PTGS1: variants seen among roughly 807,000 people sequenced by gnomAD.
PTGS1 encodes the protein prostaglandin-endoperoxide synthase 1, also known as prostaglandin G/H synthase 1.
In PTGS1, 40 loss-of-function variants were observed where a neutral mutation model predicts 63.0. That is an observed-to-expected ratio of 0.63 (90% confidence interval 0.49 to 0.83). The LOEUF (loss-of-function observed/expected upper bound fraction) is 0.83. PTGS1 is among the 40% of genes least tolerant of loss of function. PTGS1 has a pLI of 0.00. For missense variants in PTGS1, 709 were observed against 786.5 expected (o/e 0.90, Z 1.18); for synonymous variants, 298 against 301.9 (o/e 0.99, Z 0.13).
intron 4 of PTGS1, 59 bp downstream of exon 4, chr9:122,378,632 G>A (rs1487906618): frequency 1.7e-5 from 27 of 1,611,876 alleles, no homozygotes; most frequent in Non-Finnish European, 2.1e-5. Context: ...TAGTCCTTTT[G>A]GATTCTTGGC....
intron 2 of PTGS1, chr9:122,375,207 G>A: frequency 2.7e-6 from 2 of 745,324 alleles, no homozygotes; most frequent in South Asian, 6.0e-5. Flanking sequence ...AACGTGGCGG[G>A]GGAGGCGGGA....
chr9:122,380,466 A>AAAATAAATAAATAAAT (rs59514121), intron 5 of PTGS1, among the ~76,000 whole-genome samples: 2 of 145,788 alleles, frequency 1.4e-5, no homozygotes, highest in African/African-American at 5.2e-5. Flanking sequence ...CCCTGTCTCA[A>AAAATAAATAAATAAAT]AAATAAATAA....
rs57350981 is a variant in PTGS1, at chr9:122,376,344, T to TTGTGTGTGTGTG, written c.95-1521_95-1510dup. Among the ~76,000 whole-genome samples, 120 of 127,062 alleles carry TTGTGTGTGTGTG rather than the reference T, an allele frequency of 9.4e-4. 1 individual carries two copies. The East Asian group carries it at 0.011, about 12-fold the overall frequency. 83.4% of individuals were successfully genotyped at this position (127,062 alleles called of 152,430 possible). A position where few individuals can be genotyped will look rare whatever the true frequency, so the allele number is the denominator to read the frequency against. On this transcript the variant is annotated intron_variant, in intron 2 of 10. Transcript: ENST00000362012. ...TTTGCATGATTCTTGTGGTCCTTGC[T>TTGTGTGTGTGTG]TGTGTGTGTGTGTGTGTGTGTGTGT...
intron 9 of PTGS1, among the ~76,000 whole-genome samples, chr9:122,387,316 G>A (rs966201997): frequency 3.9e-5 from 6 of 152,068 alleles, no homozygotes; most frequent in Admixed American, 3.9e-4. Context: ...GCAGTTTGAG[G>A]AACAGAAGGA....
At chr9:122,370,911 C>A, upstream of PTGS1, 1 of 1,090,390 alleles carries the variant, frequency 9.2e-7, no homozygotes, top group Non-Finnish European at 1.3e-6. Flanking sequence ...AATAAAATGC[C>A]TTGGCCGGGG....
chr9:122,393,332 T>A lies in PTGS1; in HGVS notation c.*788T>A, dbSNP rs200852574. The A allele has an allele frequency of 2.6e-5, 4 of 152,252 alleles. No individual in the cohort carries two copies. Among genetic ancestry groups the A allele is most frequent in the African/African-American group, 9.6e-5 (4 of 41,458 alleles). The allele number at this position is 152,252 out of a possible 1,614,324, so 9.4% of individuals were successfully genotyped here. On this transcript the variant is annotated 3_prime_UTR_variant, in exon 11 of 11. Transcript: ENST00000362012. ...TTATATATCTCTTTTGGTCCCATCC[T>A]CTAAAGCAGAGGCAACACTGGAACA...
Position 122,381,673 on chromosome 9 carries a change from G to A in PTGS1, c.688G>A (p.Gly230Ser), listed in dbSNP as rs3842795. The change falls in exon 7 of 11, where the codon GGC becomes AGC. Residue 230 changes from glycine to serine, a missense_variant. Gly to Ser is a moderately conservative substitution (Grantham distance 56, BLOSUM62 0). Transcript: ENST00000362012. Reference protein sequence around the residue: ...TKALGHGVDLGHIYGDNLERQ... With the variant: ...TKALGHGVDLSHIYGDNLERQ... The stretch of plus-strand genomic sequence containing the variant: ...CCCTCTCTGTCCACAGGTAGACCTC[G>A]GCCACATTTATGGAGACAATCTGGA... The A allele has an allele frequency of 4.0e-4, 644 of 1,614,160 alleles. No homozygotes were observed. The African/African-American group carries it at 7.9e-3, about 20-fold the overall frequency.
intron 2 of PTGS1, among the ~76,000 whole-genome samples, chr9:122,373,345 T>C (rs756423713): frequency 5.9e-5 from 9 of 152,140 alleles, no homozygotes; most frequent in Non-Finnish European, 1.3e-4. Context: ...CCAAGCTACT[T>C]GGGCATCTGC....
Position 122,386,666 on chromosome 9 carries a change from C to T in PTGS1, c.1230C>T (p.Thr410=), listed in dbSNP as rs201459426. The T allele has an allele frequency of 6.2e-6, 10 of 1,614,226 alleles. No individual in the cohort carries two copies. The East Asian group carries it at 8.9e-5, about 14-fold the overall frequency. Residue 410 remains threonine (T), a synonymous_variant, in exon 9 of 11, where the codon ACC becomes ACT. Transcript: ENST00000362012. ...EYSYEQFLFN[T]SMLVDYGVEA... ...GCTACGAGCAGTTCTTGTTCAACAC[C>T]TCCATGTTGGTGGACTATGGGGTTG... is the stretch of plus-strand genomic sequence containing the variant.
At chr9:122,380,466 AAAATAAATAAATAAATAAAT>A (rs59514121) in intron 5 of PTGS1, among the ~76,000 whole-genome samples, 5 of 145,788 alleles carry the variant, frequency 3.4e-5, no homozygotes, top group African/African-American at 7.8e-5. Context: ...CCCTGTCTCA[AAAATAAATAAATAAATAAAT>A]AAATAAATAA....
At position 122,371,026 on chromosome 9, in the gene PTGS1, T is replaced by C; in HGVS notation, c.-59T>C. ...GGGGATGGGCTGGAGCTCCGGGCAG[T>C]GTGCGAGGCGCACGCACAGGAGCCT... On this transcript the variant is annotated 5_prime_UTR_variant, in exon 1 of 11. Coordinates refer to ENST00000362012, the MANE Select transcript of PTGS1 (RefSeq NM_000962.4). 2 of 1,551,640 alleles carry C rather than the reference T, an allele frequency of 1.3e-6. No homozygotes were observed. Among genetic ancestry groups the C allele is most frequent in the Non-Finnish European group, 1.7e-6 (2 of 1,155,824 alleles).
upstream of PTGS1, chr9:122,370,548 T>G (rs951202312): frequency 6.2e-6 from 1 of 161,576 alleles, no homozygotes; most frequent in South Asian, 1.8e-4. Context: ...GTTTCTCATC[T>G]AGGAAACCAT....
intron 4 of PTGS1, 47 bp from the exon 5 acceptor site, chr9:122,378,728 G>A (rs1436115865): frequency 1.2e-6 from 2 of 1,610,944 alleles, no homozygotes; most frequent in Non-Finnish European, 1.7e-6. Flanking sequence ...CTGGGATGGA[G>A]CTGGGGGTGG....
chr9:122,377,214 T>G (rs1395563581), intron 2 of PTGS1, among the ~76,000 whole-genome samples: 1 of 152,152 alleles, frequency 6.6e-6, no homozygotes, highest in African/African-American at 2.4e-5. Context: ...TCCTTAGACT[T>G]GGCTGCTGAG....
rs5791 is a variant in PTGS1, at chr9:122,386,512, A to G, written c.1076A>G (p.Lys359Arg). 6.2e-7 allele frequency: 1 copy of G among 1,614,154 alleles called. No homozygotes were observed. Among genetic ancestry groups the G allele is most frequent in the Non-Finnish European group, 8.5e-7 (1 of 1,180,016 alleles). Residue 359 changes from lysine (K) to arginine (R), a missense_variant, in exon 9 of 11, where the codon AAA becomes AGA. By Grantham distance (26) the Lys-to-Arg change is conservative. Coordinates refer to ENST00000362012, the MANE Select transcript of PTGS1 (RefSeq NM_000962.4). ...QQLSGYFLQL[K>R]FDPELLFGVQ... ...CTGAGTGGCTATTTCCTGCAGCTGA[A>G]ATTTGACCCAGAGCTGCTGTTCGGT...
intron 2 of PTGS1, 38 bp from the exon 3 acceptor site, chr9:122,377,861 C>T (rs1203866266): frequency 6.3e-7 from 1 of 1,583,716 alleles, no homozygotes. Context: ...CAGGAGGCCA[C>T]CCTAGCATGG....
intron 2 of PTGS1, among the ~76,000 whole-genome samples, chr9:122,377,098 G>T (rs886965423): frequency 6.6e-6 from 1 of 152,184 alleles, no homozygotes; most frequent in Non-Finnish European, 1.5e-5. Context: ...CCTGATGTGG[G>T]CCAAGTCTGA....
intron 2 of PTGS1, chr9:122,371,751 G>A: frequency 6.5e-7 from 1 of 1,530,694 alleles, no homozygotes; most frequent in Non-Finnish European, 8.7e-7. Flanking sequence ...GAGAACATGG[G>A]AGATGGAAAT....
At chr9:122,379,805 A>G (rs1837403976) in intron 5 of PTGS1, among the ~76,000 whole-genome samples, 1 of 151,606 alleles carries the variant, frequency 6.6e-6, no homozygotes, top group African/African-American at 2.4e-5. Flanking sequence ...CTTTAGGGGT[A>G]CTTGATATTT....
Sources: allele counts gnomAD v4.1 joint callset (sites outside exome capture counted in the v4.1 genomes callset), GRCh38; gene constraint gnomAD v4.1.1; transcripts MANE v1.5; gene names NCBI Gene and HGNC (gene_info 2026-07-23, HGNC 2026-07-21).